CSMD1: variants seen among roughly 807,000 people sequenced by gnomAD.
CSMD1 encodes the protein CUB and sushi domain-containing protein 1.
A neutral mutation model predicts 417.5 loss-of-function variants in CSMD1; 213 were observed. The ratio of observed to expected loss-of-function variants is 0.51; its 90% CI spans 0.46 to 0.57. The LOEUF (loss-of-function observed/expected upper bound fraction) is 0.57, where lower values mean the gene tolerates loss of function less well. Ranked by LOEUF, CSMD1 falls within the 20% of genes least tolerant of loss-of-function variation. The pLI, the probability that CSMD1 is intolerant of heterozygous loss-of-function variation, is 0.00. For missense variants in CSMD1, 6,923 were observed against 4,529.7 expected (o/e 1.53, Z -15.17); for synonymous variants, 2,862 against 1,736.8 (o/e 1.65, Z -16.11).
At chr8:4,679,680 T>A (rs946917113) in intron 1 of CSMD1, among the ~76,000 whole-genome samples, 17 of 151,834 alleles carry the variant, frequency 1.1e-4, no homozygotes, top group African/African-American at 4.1e-4. Context: ...AACATAACTA[T>A]CTACAAGAAC....
intron 3 of CSMD1, among the ~76,000 whole-genome samples, chr8:4,301,692 T>A (rs949450347): frequency 6.6e-6 from 1 of 152,242 alleles, no homozygotes; most frequent in African/African-American, 2.4e-5. Context: ...CAGATTATTA[T>A]TTTTCTTGCA....
chr8:4,320,060 C>T (rs1585224821), intron 3 of CSMD1, among the ~76,000 whole-genome samples: 1 of 152,180 alleles, frequency 6.6e-6, no homozygotes, highest in African/African-American at 2.4e-5. Context: ...AAACAAAAGA[C>T]TTCGTTGGTT....
chr8:4,136,083 C>T (rs1046752033), intron 3 of CSMD1, among the ~76,000 whole-genome samples: 3 of 152,104 alleles, frequency 2.0e-5, no homozygotes, highest in African/African-American at 7.2e-5. Context: ...AATGAACTGA[C>T]TCAGCAAAAG....
At chr8:4,531,747 T>C (rs1260627661) in intron 2 of CSMD1, among the ~76,000 whole-genome samples, 2 of 152,202 alleles carry the variant, frequency 1.3e-5, no homozygotes, top group Non-Finnish European at 2.9e-5. Context: ...TGAAATTCAC[T>C]CTCTAAAAGT....
chr8:4,333,188 C>G (rs768410772), intron 3 of CSMD1, among the ~76,000 whole-genome samples: 2 of 152,112 alleles, frequency 1.3e-5, no homozygotes, highest in African/African-American at 2.4e-5. Context: ...GTTGGGATAT[C>G]ATGCCACTCA....
chr8:4,225,457 A>G (rs1240843064), intron 3 of CSMD1, among the ~76,000 whole-genome samples: 1 of 152,120 alleles, frequency 6.6e-6, no homozygotes, highest in African/African-American at 2.4e-5. Context: ...TTTAGAAATA[A>G]CAATAAAATA....
chr8:4,228,845 C>A (rs533450064), intron 3 of CSMD1, among the ~76,000 whole-genome samples: 220 of 152,026 alleles, frequency 1.4e-3, no homozygotes, highest in Non-Finnish European at 1.9e-3. Context: ...CTGTGCCCAG[C>A]TAATTTTTGT....
chr8:3,610,996 A>T (rs989701812), intron 8 of CSMD1, among the ~76,000 whole-genome samples: 1 of 148,448 alleles, frequency 6.7e-6, no homozygotes, highest in Non-Finnish European at 1.5e-5. Context: ...TAAACCAAAC[A>T]CCGCATGTTC....
At chr8:3,511,988 T>C (rs1056368805) in intron 10 of CSMD1, among the ~76,000 whole-genome samples, 2 of 151,882 alleles carry the variant, frequency 1.3e-5, no homozygotes, top group African/African-American at 2.4e-5. Flanking sequence ...TGAGGACTCA[T>C]GAGTTTACAA....
intron 3 of CSMD1, among the ~76,000 whole-genome samples, chr8:4,320,266 C>T (rs1799194406): frequency 6.6e-6 from 1 of 152,138 alleles, no homozygotes; most frequent in Admixed American, 6.5e-5. Flanking sequence ...AGACCCACAA[C>T]AAGTAGGAAA....
intron 18 of CSMD1, among the ~76,000 whole-genome samples, chr8:3,379,404 T>C (rs1478463861): frequency 6.6e-6 from 1 of 152,124 alleles, no homozygotes; most frequent in Non-Finnish European, 1.5e-5. Context: ...CTACTTAAAA[T>C]GTCATATGGA....
intron 5 of CSMD1, among the ~76,000 whole-genome samples, chr8:3,826,118 G>T (rs931876928): frequency 6.6e-6 from 1 of 152,026 alleles, no homozygotes; most frequent in South Asian, 2.1e-4. Context: ...TAAACCGGCC[G>T]TCAGCAGGGA....
chr8:3,526,755 TTTCCC>T (rs1266199882), intron 10 of CSMD1, among the ~76,000 whole-genome samples: 1 of 152,188 alleles, frequency 6.6e-6, no homozygotes, highest in Non-Finnish European at 1.5e-5. Flanking sequence ...CCTCATTCAG[TTTCCC>T]TTCCTGTAAA....
chr8:3,897,841 G>C (rs747619755), intron 5 of CSMD1, among the ~76,000 whole-genome samples: 4 of 152,260 alleles, frequency 2.6e-5, no homozygotes, highest in Middle Eastern at 3.4e-3. Context: ...ATTAGCCTGA[G>C]GATATTAAAG....
At chr8:2,972,065 A>G (rs546676107) in intron 57 of CSMD1, among the ~76,000 whole-genome samples, 1 of 152,190 alleles carries the variant, frequency 6.6e-6, no homozygotes, top group South Asian at 2.1e-4. Context: ...TAAATATGCA[A>G]ATATATGCAC....
chr8:4,788,595 T>G, intron 1 of CSMD1: 2 of 1,162,510 alleles, frequency 1.7e-6, no homozygotes, highest in Non-Finnish European at 2.4e-6. Flanking sequence ...TAAGAAACAA[T>G]GCCATTGAAA....
At chr8:4,249,512 G>A (rs952324129) in intron 3 of CSMD1, among the ~76,000 whole-genome samples, 1 of 152,194 alleles carries the variant, frequency 6.6e-6, no homozygotes, top group African/African-American at 2.4e-5. Flanking sequence ...GATGTAGAGA[G>A]CTCCTCTACT....
At chr8:4,833,743 G>A (rs546096253) in intron 1 of CSMD1, among the ~76,000 whole-genome samples, 1 of 152,152 alleles carries the variant, frequency 6.6e-6, no homozygotes, top group Non-Finnish European at 1.5e-5. Flanking sequence ...AGAAACTCCT[G>A]ATTTACATTG....
intron 3 of CSMD1, among the ~76,000 whole-genome samples, chr8:4,114,811 G>A (rs985701843): frequency 1.3e-5 from 2 of 152,170 alleles, no homozygotes; most frequent in African/African-American, 4.8e-5. Flanking sequence ...GAAATAGCGA[G>A]AGGTAAAATT....
Sources: allele counts gnomAD v4.1 joint callset (sites outside exome capture counted in the v4.1 genomes callset), GRCh38; gene constraint gnomAD v4.1.1; transcripts MANE v1.5; gene names NCBI Gene and HGNC (gene_info 2026-07-23, HGNC 2026-07-21).